The following PEMT variants were observed in gnomAD, a reference collection of about 807,000 sequenced individuals.
PEMT encodes phospholipid methyltransferase.
PEMT carries 23 observed loss-of-function variants against 27.4 expected under a neutral mutation model. The observed-to-expected ratio is 0.84, with a 90% CI of 0.60 to 1.19. The LOEUF (loss-of-function observed/expected upper bound fraction) is 1.19, where lower values mean the gene tolerates loss of function less well. Ranked by LOEUF, PEMT falls within the 50% of genes most tolerant of loss-of-function variation. The pLI, the probability that PEMT is intolerant of heterozygous loss-of-function variation, is 0.00. For missense variants in PEMT, 307 were observed against 310.1 expected (o/e 0.99, Z 0.07); for synonymous variants, 137 against 139.1 (o/e 0.98, Z 0.11).
intron 2 of PEMT, among the ~76,000 whole-genome samples, chr17:17,527,732 T>C (rs950748088): frequency 3.9e-5 from 6 of 152,330 alleles, no homozygotes; most frequent in Non-Finnish European, 8.8e-5. Flanking sequence ...GCTATTGGCC[T>C]GACAGGCCCC....
chr17:17,582,321 G>A lies in PEMT; in HGVS notation c.97-5294C>T, dbSNP rs1912020263. 3 of 985,502 alleles carry A rather than the reference G, an allele frequency of 3.0e-6. No homozygotes were observed. The highest frequency in any genetic ancestry group is 9.4e-5 in the South Asian group (2 of 21,284). The allele number at this position is 985,502 out of a possible 1,614,324, so 61.0% of individuals were successfully genotyped here. On this transcript the variant is annotated intron_variant, in intron 1 of 6. Transcript: ENST00000255389. This position sits in a 1 kb window ranked among gnomAD's most constrained non-coding sequence, Gnocchi z 4.9. Reference sequence around the variant, plus strand: ...AATAGCTCGAGTCCCACAGGTCACCGACGAATAGCCTCAGCTGTTAACACC... The same window carrying A: ...AATAGCTCGAGTCCCACAGGTCACCAACGAATAGCCTCAGCTGTTAACACC...
intron 2 of PEMT, among the ~76,000 whole-genome samples, chr17:17,556,989 G>A (rs1046393638): frequency 1.3e-5 from 2 of 152,166 alleles, no homozygotes; most frequent in African/African-American, 2.4e-5. Flanking sequence ...ATCCGCAGGG[G>A]CTCTAAGAGG....
At chr17:17,567,560 AG>A (rs1184159219) in intron 2 of PEMT, among the ~76,000 whole-genome samples, 3 of 152,236 alleles carry the variant, frequency 2.0e-5, no homozygotes, top group Non-Finnish European at 4.4e-5. Flanking sequence ...CCCAACATCA[AG>A]GGGCCAGGGG....
chr17:17,530,425 G>A (rs747103771), intron 2 of PEMT, among the ~76,000 whole-genome samples: 1 of 152,146 alleles, frequency 6.6e-6, no homozygotes, highest in Non-Finnish European at 1.5e-5. Flanking sequence ...AACCCCGGAG[G>A]CGGAGGTTGC....
intron 2 of PEMT, among the ~76,000 whole-genome samples, chr17:17,534,474 A>G (rs1908315910): frequency 6.6e-6 from 1 of 152,248 alleles, no homozygotes; most frequent in Non-Finnish European, 1.5e-5. Context: ...CAAAGGTGGG[A>G]ATGGATATGT....
rs186001847 is a variant in PEMT, at chr17:17,576,431, A to T, written c.204+489T>A. 7.2e-5 allele frequency among the ~76,000 whole-genome samples: 11 copies of T among 152,318 alleles called. No homozygotes were observed. The East Asian group carries it at 2.1e-3, about 29-fold the overall frequency. On this transcript the variant is annotated intron_variant, in intron 2 of 6. Transcript: ENST00000255389. ...TGCCACCCAGCTCGCCTAGGTCCGG[A>T]ATGCGCAGGCCGTTTTGCAGGAAGC... is the stretch of plus-strand genomic sequence containing the variant.
intron 2 of PEMT, among the ~76,000 whole-genome samples, chr17:17,548,215 A>T (rs1909393988): frequency 6.6e-6 from 1 of 152,244 alleles, no homozygotes; most frequent in African/African-American, 2.4e-5. Context: ...AGCTGCACAC[A>T]GCCCTGCTGG....
intron 5 of PEMT, 71 bp from the exon 6 acceptor site, chr17:17,506,372 G>A: frequency 8.2e-7 from 1 of 1,224,102 alleles, no homozygotes; most frequent in South Asian, 1.4e-5. Context: ...ACCTGCCCAG[G>A]CTGGCCCTTC....
intron 1 of PEMT, among the ~76,000 whole-genome samples, chr17:17,587,587 T>C (rs917397851): frequency 1.1e-4 from 16 of 151,918 alleles, no homozygotes; most frequent in African/African-American, 3.6e-4. Context: ...CCAGGCCGGG[T>C]GCAGTGGCTC....
chr17:17,550,433 G>A (rs1390153837), intron 2 of PEMT, among the ~76,000 whole-genome samples: 1 of 152,180 alleles, frequency 6.6e-6, no homozygotes, highest in Admixed American at 6.5e-5. Context: ...GTCAAGGGGT[G>A]TGTGCACAAG....
intron 2 of PEMT, chr17:17,570,853 G>A (rs1203422200): frequency 2.0e-6 from 2 of 985,398 alleles, no homozygotes; most frequent in Middle Eastern, 5.2e-4. Flanking sequence ...GTCCGCGAGG[G>A]TACAGATCCG....
At chr17:17,558,411 G>A (rs1567723065) in intron 2 of PEMT, among the ~76,000 whole-genome samples, 1 of 152,124 alleles carries the variant, frequency 6.6e-6, no homozygotes, top group Non-Finnish European at 1.5e-5. Context: ...GGGAGGCTGA[G>A]GCAGGAGAAT....
Position 17,582,950 on chromosome 17 carries a change from T to C in PEMT, c.97-5923A>G, listed in dbSNP as rs569597325. On this transcript the variant is annotated intron_variant, in intron 1 of 6. Transcript: ENST00000255389. This position sits in a 1 kb window ranked among gnomAD's most constrained non-coding sequence, Gnocchi z 4.9. Reference sequence around the variant, plus strand: ...GGTGGTGCACGACTGTAGTCCCAGCTACTGGGGAGGCTGAGGCAGAAGAAT... The same window carrying C: ...GGTGGTGCACGACTGTAGTCCCAGCCACTGGGGAGGCTGAGGCAGAAGAAT... Among the ~76,000 whole-genome samples, 1 of 151,792 alleles carries C rather than the reference T, an allele frequency of 6.6e-6. No homozygotes were observed. Among genetic ancestry groups the C allele is most frequent in the South Asian group, 2.1e-4 (1 of 4,804 alleles).
At chr17:17,525,376 C>T (rs1907594102) in intron 2 of PEMT, among the ~76,000 whole-genome samples, 1 of 152,236 alleles carries the variant, frequency 6.6e-6, no homozygotes, top group African/African-American at 2.4e-5. Flanking sequence ...CCGAGGCAAT[C>T]GATAAACCAG....
At chr17:17,519,503 G>A (rs922620630) in intron 3 of PEMT, among the ~76,000 whole-genome samples, 14 of 152,278 alleles carry the variant, frequency 9.2e-5, no homozygotes, top group Admixed American at 2.0e-4. Flanking sequence ...CCCAGGCCCC[G>A]GGATCCAAGA....
At chr17:17,552,171 G>A (rs1036132352) in intron 2 of PEMT, among the ~76,000 whole-genome samples, 1 of 152,092 alleles carries the variant, frequency 6.6e-6, no homozygotes, top group African/African-American at 2.4e-5. Context: ...AATTAGCCGG[G>A]CATGGTAGCG....
At chr17:17,537,338 C>T (rs1049005360) in intron 2 of PEMT, among the ~76,000 whole-genome samples, 1 of 152,174 alleles carries the variant, frequency 6.6e-6, no homozygotes, top group African/African-American at 2.4e-5. Flanking sequence ...CTACTAAGAA[C>T]CCCCCACCGG....
Position 17,550,099 on chromosome 17 carries a change from A to G in PEMT, c.204+26821T>C, listed in dbSNP as rs550370498. On this transcript the variant is annotated intron_variant, in intron 2 of 6. Transcript: ENST00000255389. ...GGGGGATCAGCAGGGCTGGGCACAG[A>G]GACTCTCTCTCCTCGCCAGTACAGC... 3.3e-5 allele frequency among the ~76,000 whole-genome samples: 5 copies of G among 152,278 alleles called. No individual in the cohort carries two copies. In the South Asian group the frequency reaches 8.3e-4, roughly 25 times the overall value.
chr17:17,592,136 T>G (rs1452473517), upstream of PEMT: 5 of 983,730 alleles, frequency 5.1e-6, no homozygotes, highest in Non-Finnish European at 6.0e-6. Flanking sequence ...GAAATTCGCT[T>G]TACTCTGGGG....
Sources: allele counts gnomAD v4.1 joint callset (sites outside exome capture counted in the v4.1 genomes callset), GRCh38; gene constraint gnomAD v4.1.1; non-coding constraint Gnocchi (gnomAD v3.1); transcripts MANE v1.5; gene names NCBI Gene and HGNC (gene_info 2026-07-23, HGNC 2026-07-21).